GRM3: variants seen among roughly 807,000 people sequenced by gnomAD.
GRM3 encodes glutamate metabotropic receptor 3.
Under a neutral mutation model 70.5 loss-of-function variants are expected in GRM3, and 26 were observed. The ratio of observed to expected loss-of-function variants is 0.37; its 90% confidence interval spans 0.27 to 0.51. GRM3 has a LOEUF of 0.51. GRM3 is among the 20% of genes least tolerant of loss of function. The pLI, the probability that GRM3 is intolerant of heterozygous loss-of-function variation, is 0.93. For synonymous variants in GRM3, 443 were observed against 434.9 expected (o/e 1.02, Z -0.23); for missense variants, 859 against 1,123.8 (o/e 0.76, Z 3.37).
At chr7:86,806,205 A>T (rs1025073387) in intron 3 of GRM3, among the ~76,000 whole-genome samples, 4 of 152,190 alleles carry the variant, frequency 2.6e-5, no homozygotes, top group African/African-American at 9.7e-5. Flanking sequence ...GCCACAATTA[A>T]CATACATGTG....
chr7:86,823,045 G>A (rs1798154494), intron 3 of GRM3, among the ~76,000 whole-genome samples: 1 of 152,128 alleles, frequency 6.6e-6, no homozygotes, highest in African/African-American at 2.4e-5. Context: ...GATGCTGGTA[G>A]CTGTGGTACC....
intron 4 of GRM3, among the ~76,000 whole-genome samples, chr7:86,845,264 GTTAC>G (rs988507663): frequency 5.3e-5 from 8 of 152,152 alleles, no homozygotes; most frequent in African/African-American, 1.4e-4. Context: ...GAGGATCAGT[GTTAC>G]TTACTTTCTT....
At chr7:86,843,609 T>A (rs1015958867) in intron 4 of GRM3, among the ~76,000 whole-genome samples, 1 of 152,224 alleles carries the variant, frequency 6.6e-6, no homozygotes, top group African/African-American at 2.4e-5. Flanking sequence ...CAGCCATGTT[T>A]GAGTGGAAAG....
rs1311013179 is a variant in GRM3, at chr7:86,786,451, G to A, written c.659G>A (p.Gly220Asp). The change falls in exon 3 of 6, where the codon GGT becomes GAT. Residue 220 changes from glycine to aspartate, a missense_variant. Gly to Asp is a moderately conservative substitution (Grantham distance 94). Coordinates refer to ENST00000361669, the MANE Select transcript of GRM3 (RefSeq NM_000840.3). The surrounding 1 kb of genome is among the most constrained non-coding windows in gnomAD (Gnocchi z 6.0). ...WTYVSTVASE[G>D]DYGETGIEAF... ...TACGTGTCCACAGTAGCCTCCGAGG[G>A]TGATTACGGGGAGACAGGGATCGAG... 6.2e-7 allele frequency: 1 copy of A among 1,614,250 alleles called. No homozygotes were observed. The highest frequency in any genetic ancestry group is 8.5e-7 in the Non-Finnish European group (1 of 1,180,042).
chr7:86,761,568 G>C (rs1436307900), intron 1 of GRM3, among the ~76,000 whole-genome samples: 3 of 151,940 alleles, frequency 2.0e-5, no homozygotes, highest in Non-Finnish European at 2.9e-5. Context: ...AATAGTAAAG[G>C]GTCATGTGCA....
At chr7:86,649,831 A>G (rs2115765821) in intron 1 of GRM3, among the ~76,000 whole-genome samples, 1 of 152,288 alleles carries the variant, frequency 6.6e-6, no homozygotes, top group Middle Eastern at 3.4e-3. Flanking sequence ...TTAAGTACCT[A>G]TTTTGACCAA....
intron 5 of GRM3, among the ~76,000 whole-genome samples, chr7:86,851,116 A>T (rs77707904): frequency 0.045 from 6,788 of 152,220 alleles, 520 homozygotes; most frequent in African/African-American, 0.15. Flanking sequence ...TCTATGCAAG[A>T]AAACCTGTTT....
At chr7:86,726,166 G>A (rs1242690308) in intron 1 of GRM3, among the ~76,000 whole-genome samples, 2 of 152,110 alleles carry the variant, frequency 1.3e-5, no homozygotes, top group African/African-American at 4.8e-5. Flanking sequence ...TTGCATTTCT[G>A]TCTAGCTCTT....
At chr7:86,840,230 T>C (rs1798534971) in intron 4 of GRM3, among the ~76,000 whole-genome samples, 1 of 152,128 alleles carries the variant, frequency 6.6e-6, no homozygotes, top group Non-Finnish European at 1.5e-5. Context: ...CGATTGACAA[T>C]AGAATAAGAC....
At chr7:86,646,687 A>C (rs1205894843) in intron 1 of GRM3, among the ~76,000 whole-genome samples, 5 of 152,194 alleles carry the variant, frequency 3.3e-5, no homozygotes, top group African/African-American at 1.2e-4. Context: ...AAATCATAGA[A>C]AATTATGCCA....
At position 86,644,275 on chromosome 7, in the gene GRM3, ACT is replaced by A. The variant is rs1793398129; in HGVS notation, c.-735_-734del. The stretch of plus-strand genomic sequence containing the variant: ...GTCTAGGTACCCTGGCTCACTGAAG[ACT>A]CTGCAGATATACCCTTATAAGAGGG... On this transcript the variant is annotated 5_prime_UTR_variant, in exon 1 of 6. Transcript: ENST00000361669. 1 of 205,010 alleles carries A rather than the reference ACT, an allele frequency of 4.9e-6. No individual in the cohort carries two copies. Among genetic ancestry groups the A allele is most frequent in the Non-Finnish European group, 9.9e-6 (1 of 100,680 alleles). The allele number at this position is 205,010 out of a possible 1,614,324, so 12.7% of individuals were successfully genotyped here. A position where few individuals can be genotyped will look rare whatever the true frequency, so the allele number is the denominator to read the frequency against.
chr7:86,694,516 AAAAAAAAAAAAAG>A (rs1296920446), intron 1 of GRM3, among the ~76,000 whole-genome samples: 3 of 142,244 alleles, frequency 2.1e-5, no homozygotes, highest in Non-Finnish European at 3.0e-5. Context: ...TGTCTCAAAA[AAAAAAAAAAAAAG>A]AAAAGAAAGA....
At chr7:86,861,110 C>T (rs756741424) in intron 5 of GRM3, among the ~76,000 whole-genome samples, 5 of 152,184 alleles carry the variant, frequency 3.3e-5, no homozygotes, top group African/African-American at 4.8e-5. Context: ...GAGCTCACAA[C>T]CTGAGTCAGT....
chr7:86,822,015 G>T (rs1798131035), intron 3 of GRM3, among the ~76,000 whole-genome samples: 1 of 151,270 alleles, frequency 6.6e-6, no homozygotes, highest in African/African-American at 2.4e-5. Context: ...AAGTCATCAA[G>T]CAGGTTGATC....
chr7:86,765,534 G>T lies in GRM3; in HGVS notation c.389G>T (p.Gly130Val). ...GAAGCTGAGTATATGTGTCCTGATGGATCCTATGCCATTCAAGAAAACATC... is the reference window on the plus strand; with the variant it reads ...GAAGCTGAGTATATGTGTCCTGATGTATCCTATGCCATTCAAGAAAACATC... ...VDEAEYMCPD[G>V]SYAIQENIPL... The change falls in exon 2 of 6, where the codon GGA becomes GTA. Residue 130 changes from glycine (G) to valine (V), a missense_variant. Coordinates refer to ENST00000361669, the MANE Select transcript of GRM3 (RefSeq NM_000840.3). 1 of 1,613,734 alleles carries T rather than the reference G, an allele frequency of 6.2e-7. No homozygotes were observed. The highest frequency in any genetic ancestry group is 8.5e-7 in the Non-Finnish European group (1 of 1,179,768).
chr7:86,704,325 T>C (rs1265604309), intron 1 of GRM3, among the ~76,000 whole-genome samples: 3 of 151,958 alleles, frequency 2.0e-5, no homozygotes, highest in Non-Finnish European at 4.4e-5. Context: ...GATTTATTCA[T>C]AGGAATACAT....
At chr7:86,818,253 G>C (rs766456477) in intron 3 of GRM3, among the ~76,000 whole-genome samples, 6 of 151,942 alleles carry the variant, frequency 3.9e-5, no homozygotes, top group African/African-American at 7.3e-5. Flanking sequence ...AATAAAACAT[G>C]GTCTCTACCT....
intron 2 of GRM3, among the ~76,000 whole-genome samples, chr7:86,778,973 C>T (rs1414247065): frequency 6.6e-6 from 1 of 151,960 alleles, no homozygotes; most frequent in Non-Finnish European, 1.5e-5. Context: ...TACACAAAAG[C>T]AAAATTTGGA....
At position 86,668,253 on chromosome 7, in the gene GRM3, C is replaced by G. The variant is rs1169625616; in HGVS notation, c.-141+23381C>G. ...TAGGATTCTTCTGGTTTCCAAGGAA[C>G]AGGTGAAATGTCAAAATTTTTTTTT... On this transcript the variant is annotated intron_variant, in intron 1 of 5. Coordinates refer to ENST00000361669, the MANE Select transcript of GRM3 (RefSeq NM_000840.3). Among the ~76,000 whole-genome samples, 5 of 146,360 alleles carry G rather than the reference C, an allele frequency of 3.4e-5. No individual in the cohort carries two copies. The East Asian group carries it at 7.8e-4, about 23-fold the overall frequency.
Sources: allele counts gnomAD v4.1 joint callset (sites outside exome capture counted in the v4.1 genomes callset), GRCh38; gene constraint gnomAD v4.1.1; non-coding constraint Gnocchi (gnomAD v3.1); transcripts MANE v1.5; gene names NCBI Gene and HGNC (gene_info 2026-07-23, HGNC 2026-07-21).